Variants in ZNF76 observed in about 807,000 individuals in gnomAD.
The protein encoded by ZNF76 is zinc finger protein 523.
ZNF76 carries 66 observed loss-of-function variants against 66.9 expected under a neutral mutation model. The ratio of observed to expected loss-of-function variants is 0.99; its 90% CI spans 0.81 to 1.21. The LOEUF (loss-of-function observed/expected upper bound fraction) is 1.21. ZNF76 is among the 50% of genes most tolerant of loss of function. The pLI is 0.00. For synonymous variants in ZNF76, 275 were observed against 296.1 expected, an observed-to-expected ratio of 0.93 and a Z score of 0.73; for missense variants, 729 against 760.3, an observed-to-expected ratio of 0.96 and a Z score of 0.48.
intron 2 of ZNF76, 96 bp downstream of exon 2, chr6:35,281,320 C>T (rs540630437): frequency 6.8e-6 from 8 of 1,167,898 alleles, no homozygotes; most frequent in African/African-American, 1.5e-5. Context: ...CTTGCCCTCC[C>T]GCCTGCTTAC....
intron 1 of ZNF76, among the ~76,000 whole-genome samples, chr6:35,271,703 G>A (rs9469977): frequency 0.05 from 7,555 of 150,616 alleles, 595 homozygotes; most frequent in African/African-American, 0.17. Context: ...AATATATATA[G>A]CAGATTCCCT....
rs1256095468 is a variant in ZNF76 at position 35,295,968 on chromosome 6, A to G, written c.*720A>G. The G allele has an allele frequency of 6.6e-6, 1 of 152,310 alleles. No homozygotes were observed. The highest frequency in any genetic ancestry group is 1.5e-5 in the Non-Finnish European group (1 of 68,202). The allele number at this position is 152,310 out of a possible 1,614,324, so 9.4% of individuals were successfully genotyped here. ...GCACATGGATGAATGAGTATTTAAT[A>G]AAAGTTCCAAATTTCCACCTGGGTC... On this transcript the variant is annotated 3_prime_UTR_variant, in exon 14 of 14. Coordinates refer to ENST00000373953, the MANE Select transcript of ZNF76 (RefSeq NM_003427.5).
Position 35,292,396 on chromosome 6 carries a change from G to A in ZNF76, c.932-158G>A. 1 of 711,908 alleles carries A rather than the reference G, an allele frequency of 1.4e-6. No individual in the cohort carries two copies. Among genetic ancestry groups the A allele is most frequent in the Admixed American group, 2.3e-5 (1 of 43,208 alleles). The allele number at this position is 711,908 out of a possible 1,614,324, so 44.1% of individuals were successfully genotyped here. A position where few individuals can be genotyped will look rare whatever the true frequency, so the allele number is the denominator to read the frequency against. On this transcript the variant is annotated intron_variant, in intron 9 of 13. Transcript: ENST00000373953. The surrounding 1 kb of genome is among the most constrained non-coding windows in gnomAD (Gnocchi z 4.7). ...ACCTGTGTCCTCTCTGTGTTCCACTGGCCATCTTCCCCAACCCTGTCCATT... is the reference window on the plus strand; with the variant it reads ...ACCTGTGTCCTCTCTGTGTTCCACTAGCCATCTTCCCCAACCCTGTCCATT...
intron 1 of ZNF76, among the ~76,000 whole-genome samples, chr6:35,267,274 A>G (rs1357732029): frequency 6.6e-6 from 1 of 151,698 alleles, no homozygotes; most frequent in African/African-American, 2.4e-5. Flanking sequence ...TAATTTTTGT[A>G]TTTTTGGTAG....
chr6:35,280,413 G>A (rs1788584846), intron 1 of ZNF76, among the ~76,000 whole-genome samples: 1 of 152,004 alleles, frequency 6.6e-6, no homozygotes, highest in Non-Finnish European at 1.5e-5. Flanking sequence ...TTTATCTGAG[G>A]ACATAAGTTA....
At chr6:35,263,276 G>C (rs1370759574) in intron 1 of ZNF76, among the ~76,000 whole-genome samples, 1 of 152,200 alleles carries the variant, frequency 6.6e-6, no homozygotes, top group African/African-American at 2.4e-5. Context: ...CAATCTAGCT[G>C]TGTCTCCTGG....
chr6:35,271,029 A>G (rs772021572), intron 1 of ZNF76, among the ~76,000 whole-genome samples: 2 of 152,164 alleles, frequency 1.3e-5, no homozygotes, highest in East Asian at 1.9e-4. Flanking sequence ...TTTTTTCATT[A>G]TGTTTTGGAG....
At chr6:35,284,334 T>C (rs1582141150) in intron 2 of ZNF76, among the ~76,000 whole-genome samples, 1 of 152,158 alleles carries the variant, frequency 6.6e-6, no homozygotes, top group South Asian at 2.1e-4. Flanking sequence ...CCTCAGGTTA[T>C]CCGCCTGCCT....
intron 2 of ZNF76, among the ~76,000 whole-genome samples, chr6:35,282,862 G>A (rs188402968): frequency 1.1e-4 from 17 of 152,278 alleles, no homozygotes; most frequent in Admixed American, 7.2e-4. Context: ...TTCTGGAAAG[G>A]TTTCTTGTCA....
At chr6:35,293,440 G>C (rs915518726) in intron 11 of ZNF76, among the ~76,000 whole-genome samples, 1 of 152,100 alleles carries the variant, frequency 6.6e-6, no homozygotes, top group Admixed American at 6.5e-5. Flanking sequence ...ACCCTTGTCC[G>C]TACCCTTGCT....
chr6:35,281,750 G>A (rs1582126268), intron 2 of ZNF76, among the ~76,000 whole-genome samples: 1 of 151,996 alleles, frequency 6.6e-6, no homozygotes, highest in East Asian at 1.9e-4. Context: ...GGGCAACATA[G>A]CAAGACTCTT....
intron 2 of ZNF76, among the ~76,000 whole-genome samples, chr6:35,285,546 G>A (rs1240875128): frequency 6.6e-6 from 1 of 152,214 alleles, no homozygotes; most frequent in East Asian, 1.9e-4. Flanking sequence ...CTGAGGCACA[G>A]AGAGGTTAGT....
intron 1 of ZNF76, among the ~76,000 whole-genome samples, chr6:35,265,846 T>C (rs1389257651): frequency 6.6e-6 from 1 of 152,076 alleles, no homozygotes; most frequent in Non-Finnish European, 1.5e-5. Context: ...TGGCTTGTAG[T>C]GTGAGTTGTG....
At chr6:35,278,897 CTG>C (rs1249757702) in intron 1 of ZNF76, among the ~76,000 whole-genome samples, 2 of 152,206 alleles carry the variant, frequency 1.3e-5, no homozygotes, top group Non-Finnish European at 2.9e-5. Flanking sequence ...GGAGAAACCA[CTG>C]TGACGCAGAA....
rs11968792 is a variant in ZNF76, at chr6:35,263,087, G to A, written c.-97+3246G>A. ...CCAGGGCCATGCGTATGCCCCTGCT[G>A]CTTTCAGCTCTGCTTCCTTCATATG... On this transcript the variant is annotated intron_variant, in intron 1 of 13. Coordinates refer to ENST00000373953, the MANE Select transcript of ZNF76 (RefSeq NM_003427.5). Among the ~76,000 whole-genome samples, 750 of 152,302 alleles carry A rather than the reference G, an allele frequency of 4.9e-3. 7 individuals are homozygous for A. Among genetic ancestry groups the A allele is most frequent in the African/African-American group, 0.016 (665 of 41,562 alleles).
At position 35,290,603 on chromosome 6, in the gene ZNF76, C is replaced by T. The variant is rs755003929; in HGVS notation, c.550-38C>T. On this transcript the variant is annotated intron_variant, in intron 6 of 13. Transcript: ENST00000373953. Reference sequence around the variant, plus strand: ...AAAACCAAAGAGCCCTGGTCATACCCTTGCTCCTCTGAATTATGTGATTGC... The same window carrying T: ...AAAACCAAAGAGCCCTGGTCATACCTTTGCTCCTCTGAATTATGTGATTGC... 4.3e-6 allele frequency: 7 copies of T among 1,611,008 alleles called. No individual in the cohort carries two copies. The Admixed American group carries it at 6.7e-5, about 15-fold the overall frequency.
intron 1 of ZNF76, among the ~76,000 whole-genome samples, chr6:35,262,821 A>G (rs1246629249): frequency 6.6e-6 from 1 of 151,842 alleles, no homozygotes; most frequent in African/African-American, 2.4e-5. Context: ...TCCCATTCTA[A>G]GGCCTCTCCT....
At chr6:35,284,337 G>A (rs545876983) in intron 2 of ZNF76, among the ~76,000 whole-genome samples, 8 of 151,990 alleles carry the variant, frequency 5.3e-5, no homozygotes, top group African/African-American at 1.7e-4. Context: ...CAGGTTATCC[G>A]CCTGCCTCAG....
intron 1 of ZNF76, among the ~76,000 whole-genome samples, chr6:35,261,023 T>A (rs776548172): frequency 1.3e-5 from 2 of 152,178 alleles, no homozygotes; most frequent in Non-Finnish European, 2.9e-5. Context: ...TTTGGGGGCA[T>A]TGAGTTCATA....
Sources: allele counts gnomAD v4.1 joint callset (sites outside exome capture counted in the v4.1 genomes callset), GRCh38; gene constraint gnomAD v4.1.1; non-coding constraint Gnocchi (gnomAD v3.1); transcripts MANE v1.5; gene names NCBI Gene and HGNC (gene_info 2026-07-23, HGNC 2026-07-21).